The following STARD3NL variants were observed in gnomAD, a reference collection of about 807,000 sequenced individuals.
STARD3NL encodes the protein STARD3 N-terminal like, also known as STARD3 N-terminal-like protein.
A neutral mutation model predicts 30.9 loss-of-function variants in STARD3NL; 17 were observed. The observed-to-expected ratio is 0.55, with a 90% confidence interval of 0.38 to 0.82. The LOEUF (loss-of-function observed/expected upper bound fraction) is 0.82, where lower values mean the gene tolerates loss of function less well. Among genes scored for constraint, STARD3NL ranks in the 40% least tolerant of loss-of-function variants. STARD3NL has a pLI of 0.00. For missense variants in STARD3NL, 234 were observed against 277.6 expected (o/e 0.84, Z 1.12); for synonymous variants, 112 against 100.5 (o/e 1.11, Z -0.69).
chr7:38,229,978 T>TC lies in STARD3NL; in HGVS notation c.*76dup. Reference sequence around the variant, plus strand: ...GCAAAAAGAGGCAGGCAGTGGAGTCTCCCTGTCGACAGTAAAGTTGAAATG... The same window carrying TC: ...GCAAAAAGAGGCAGGCAGTGGAGTCTCCCCTGTCGACAGTAAAGTTGAAATG... On this transcript the variant is annotated 3_prime_UTR_variant, in exon 9 of 9. Coordinates refer to ENST00000009041, the MANE Select transcript of STARD3NL (RefSeq NM_032016.4). The TC allele has an allele frequency of 6.5e-6, 1 of 152,760 alleles. No homozygotes were observed. Among genetic ancestry groups the TC allele is most frequent in the East Asian group, 1.9e-4 (1 of 5,184 alleles). 9.5% of individuals were successfully genotyped at this position (152,760 alleles called of 1,614,324 possible). A position where few individuals can be genotyped will look rare whatever the true frequency, so the allele number is the denominator to read the frequency against.
intron 1 of STARD3NL, among the ~76,000 whole-genome samples, chr7:38,187,261 G>T (rs979209760): frequency 3.9e-5 from 6 of 152,148 alleles, no homozygotes; most frequent in African/African-American, 1.4e-4. Context: ...TTCCCATTTT[G>T]CCAACCTGTA....
intron 7 of STARD3NL, among the ~76,000 whole-genome samples, chr7:38,228,193 C>T (rs1421717223): frequency 6.6e-6 from 1 of 152,192 alleles, no homozygotes; most frequent in Non-Finnish European, 1.5e-5. Flanking sequence ...TATTCTCAGA[C>T]ACTTAGCTTT....
chr7:38,189,999 AT>A (rs1408666424), intron 1 of STARD3NL, among the ~76,000 whole-genome samples: 1 of 152,060 alleles, frequency 6.6e-6, no homozygotes, highest in East Asian at 1.9e-4. Context: ...TGGTCTCATG[AT>A]TTTTTTGCCA....
In STARD3NL at chr7:38,219,569, C is replaced by T; in HGVS notation, c.558C>T (p.Leu186=). ...LPQEAEEENR[L]LIVQDASERA... is the part of the protein sequence containing the mutation. Reference sequence around the variant, plus strand: ...TCTGAATTTCTTCTCTTCCAGGACTCCTGATAGTTCAGGATGCTTCAGAGA... The same window carrying T: ...TCTGAATTTCTTCTCTTCCAGGACTTCTGATAGTTCAGGATGCTTCAGAGA... The change falls in exon 7 of 9, where the codon CTC becomes CTT. Residue 186 remains leucine, a synonymous_variant. Transcript: ENST00000009041. 1.2e-6 allele frequency: 2 copies of T among 1,601,238 alleles called. No homozygotes were observed. Among genetic ancestry groups the T allele is most frequent in the Non-Finnish European group, 1.7e-6 (2 of 1,170,098 alleles).
chr7:38,178,831 G>C (rs1784127716), intron 1 of STARD3NL, among the ~76,000 whole-genome samples: 2 of 148,760 alleles, frequency 1.3e-5, no homozygotes, highest in African/African-American at 5.0e-5. Context: ...AGGCGGTTGT[G>C]AGTCTCTTCT....
chr7:38,187,768 A>G (rs896032596), intron 1 of STARD3NL, among the ~76,000 whole-genome samples: 1 of 152,184 alleles, frequency 6.6e-6, no homozygotes, highest in Non-Finnish European at 1.5e-5. Flanking sequence ...TTGGATATTA[A>G]TAAGCATCTC....
intron 2 of STARD3NL, among the ~76,000 whole-genome samples, chr7:38,211,019 G>A (rs946097019): frequency 9.2e-5 from 14 of 152,128 alleles, no homozygotes; most frequent in African/African-American, 3.4e-4. Flanking sequence ...ATGGAAAGAT[G>A]TATACAGCAG....
chr7:38,220,553 G>C (rs886271102), intron 7 of STARD3NL, among the ~76,000 whole-genome samples: 7 of 152,174 alleles, frequency 4.6e-5, no homozygotes, highest in African/African-American at 1.7e-4. Flanking sequence ...AATGTAAAAT[G>C]GTATAGCCCC....
At chr7:38,205,877 C>T (rs1326957816) in intron 1 of STARD3NL, among the ~76,000 whole-genome samples, 1 of 152,128 alleles carries the variant, frequency 6.6e-6, no homozygotes, top group Non-Finnish European at 1.5e-5. Flanking sequence ...CTAACCTGAC[C>T]TTTAAGGCCA....
intron 7 of STARD3NL, among the ~76,000 whole-genome samples, chr7:38,219,937 A>G (rs895585985): frequency 2.6e-5 from 4 of 152,124 alleles, no homozygotes; most frequent in Non-Finnish European, 4.4e-5. Context: ...CAGTGCTCTC[A>G]TTATTGCGGT....
chr7:38,191,136 C>T (rs1024018623), intron 1 of STARD3NL, among the ~76,000 whole-genome samples: 1 of 152,166 alleles, frequency 6.6e-6, no homozygotes, highest in African/African-American at 2.4e-5. Flanking sequence ...TAATAATTGC[C>T]AGCATCCATA....
intron 1 of STARD3NL, among the ~76,000 whole-genome samples, chr7:38,189,083 A>G (rs1784577514): frequency 6.6e-6 from 1 of 152,136 alleles, no homozygotes; most frequent in African/African-American, 2.4e-5. Context: ...AGACAAGACT[A>G]CAAAACAATG....
At chr7:38,216,215 T>C (rs562055469) in intron 4 of STARD3NL, 3 of 152,326 alleles carry the variant, frequency 2.0e-5, no homozygotes, top group African/African-American at 4.8e-5. Context: ...CATATAGATA[T>C]TCAGTGAGAG....
At chr7:38,215,360 A>G in intron 4 of STARD3NL, 1 of 487,600 alleles carries the variant, frequency 2.1e-6, no homozygotes, top group South Asian at 3.4e-5. Context: ...ATTATTGGCC[A>G]AGCACCAAGC....
At chr7:38,197,136 T>TTCTTTCTTTCTTTC (rs1784937143) in intron 1 of STARD3NL, among the ~76,000 whole-genome samples, 2 of 112,276 alleles carry the variant, frequency 1.8e-5, no homozygotes, top group African/African-American at 6.9e-5. Flanking sequence ...GCATTACCTT[T>TTCTTTCTTTCTTTC]TTTCTTTCTT....
At chr7:38,221,495 T>A (rs1244932145) in intron 7 of STARD3NL, among the ~76,000 whole-genome samples, 1 of 152,200 alleles carries the variant, frequency 6.6e-6, no homozygotes, top group Non-Finnish European at 1.5e-5. Context: ...GTAAAACTCG[T>A]ATTATCCCTA....
chr7:38,223,624 GTTA>G (rs1357487051), intron 7 of STARD3NL, among the ~76,000 whole-genome samples: 4 of 152,158 alleles, frequency 2.6e-5, no homozygotes, highest in African/African-American at 7.2e-5. Context: ...GCCCCATATA[GTTA>G]TTATTAGAAG....
chr7:38,204,283 G>A (rs1236396196), intron 1 of STARD3NL, among the ~76,000 whole-genome samples: 1 of 152,156 alleles, frequency 6.6e-6, no homozygotes, highest in Non-Finnish European at 1.5e-5. Flanking sequence ...ATAACAAACT[G>A]TCTCTCAGAC....
chr7:38,216,016 G>C (rs1390066233), intron 4 of STARD3NL: 7 of 152,198 alleles, frequency 4.6e-5, no homozygotes, highest in African/African-American at 1.7e-4. Flanking sequence ...GACAGTCTTG[G>C]CCAGACTTGA....
Sources: allele counts gnomAD v4.1 joint callset (sites outside exome capture counted in the v4.1 genomes callset), GRCh38; gene constraint gnomAD v4.1.1; transcripts MANE v1.5; gene names NCBI Gene and HGNC (gene_info 2026-07-23, HGNC 2026-07-21).